The following HIVEP1 variants were observed in gnomAD, a reference collection of about 807,000 sequenced individuals.
The protein encoded by HIVEP1 is HIVEP zinc finger 1.
Under a neutral mutation model 180.0 loss-of-function variants are expected in HIVEP1, and 36 were observed. The observed-to-expected ratio is 0.20, with a 90% CI of 0.15 to 0.26. HIVEP1 has a LOEUF of 0.26. Ranked by LOEUF, HIVEP1 falls within the 10% of genes least tolerant of loss-of-function variation. The pLI is 1.00. For synonymous variants in HIVEP1, 1,239 were observed against 1,239.0 expected (o/e 1.00, Z 0.00); for missense variants, 3,143 against 3,268.7 (o/e 0.96, Z 0.94).
At chr6:12,171,444 C>G in the HIVEP1 span, among the ~76,000 whole-genome samples, 1 of 152,124 alleles carries the variant, frequency 6.6e-6, no homozygotes, top group South Asian at 2.1e-4. Context: ...AATCGGACTC[C>G]AGGCTTGAAC....
At chr6:12,070,856 C>G (rs1771922796) in intron 2 of HIVEP1, among the ~76,000 whole-genome samples, 1 of 152,128 alleles carries the variant, frequency 6.6e-6, no homozygotes, top group Non-Finnish European at 1.5e-5. Context: ...CAGTTTCTTG[C>G]TGATTTTTAA....
At chr6:12,024,781 A>C (rs554731174) in intron 2 of HIVEP1, among the ~76,000 whole-genome samples, 3 of 152,318 alleles carry the variant, frequency 2.0e-5, no homozygotes, top group Admixed American at 6.5e-5. Context: ...GTGGTTGGTT[A>C]AGCCACGCCA....
At chr6:12,107,029 A>C (rs967698836) in intron 3 of HIVEP1, among the ~76,000 whole-genome samples, 2 of 152,202 alleles carry the variant, frequency 1.3e-5, no homozygotes, top group Non-Finnish European at 2.9e-5. Context: ...TTCAGGGAAC[A>C]TACTTTCTAT....
chr6:12,197,172 G>C, the HIVEP1 span, among the ~76,000 whole-genome samples: 4 of 152,188 alleles, frequency 2.6e-5, no homozygotes, highest in African/African-American at 9.6e-5. Context: ...AATTAAAAGA[G>C]AGTTGGGAGT....
Position 12,031,455 on chromosome 6 carries a change from C to T in HIVEP1, c.40+15787C>T, listed in dbSNP as rs561528286. On this transcript the variant is annotated intron_variant, in intron 2 of 8. Coordinates refer to ENST00000379388, the MANE Select transcript of HIVEP1 (RefSeq NM_002114.4). ...CTAGTCTTCTAGTCTCTTGCTTGCC[C>T]TCAGCAGGACCTCAGCCTCAGGCGG... Among the ~76,000 whole-genome samples the T allele has an allele frequency of 2.8e-4, 43 of 152,326 alleles. No individual in the cohort carries two copies. In the South Asian group the frequency reaches 7.7e-3, roughly 27 times the overall value.
At chr6:12,114,820 C>T (rs1775119377) in intron 3 of HIVEP1, among the ~76,000 whole-genome samples, 1 of 152,152 alleles carries the variant, frequency 6.6e-6, no homozygotes, top group Non-Finnish European at 1.5e-5. Context: ...GAGATTGATG[C>T]CTGAGTTCAG....
intron 4 of HIVEP1, among the ~76,000 whole-genome samples, chr6:12,128,387 C>G (rs962213322): frequency 1.3e-5 from 2 of 152,104 alleles, no homozygotes; most frequent in Non-Finnish European, 2.9e-5. Context: ...CCACACATAC[C>G]CCTCTCCATA....
intron 7 of HIVEP1, among the ~76,000 whole-genome samples, chr6:12,154,530 C>A (rs758461406): frequency 2.0e-5 from 3 of 152,076 alleles, no homozygotes; most frequent in African/African-American, 2.4e-5. Flanking sequence ...TATTTACTTA[C>A]AATAGAATTT....
At chr6:12,211,195 T>C in the HIVEP1 span, among the ~76,000 whole-genome samples, 61,900 of 121,252 alleles carry the variant, frequency 0.51, 17,334 homozygotes, top group African/African-American at 0.74. Flanking sequence ...GTCAGGAGAT[T>C]GAGACCATCC....
At chr6:12,021,658 T>C (rs533137463) in intron 2 of HIVEP1, among the ~76,000 whole-genome samples, 1 of 152,282 alleles carries the variant, frequency 6.6e-6, no homozygotes, top group South Asian at 2.1e-4. Context: ...AGAAGAATAT[T>C]TGGTTGTGTT....
intron 2 of HIVEP1, among the ~76,000 whole-genome samples, chr6:12,072,287 A>G (rs1474625004): frequency 6.6e-6 from 1 of 152,166 alleles, no homozygotes; most frequent in Non-Finnish European, 1.5e-5. Context: ...TTCTAAAAAT[A>G]TCATCACTTT....
In HIVEP1 at chr6:12,013,038, C is replaced by T. The variant is rs373584015; in HGVS notation, c.-104+472C>T. Among the ~76,000 whole-genome samples, 53 of 151,836 alleles carry T rather than the reference C, an allele frequency of 3.5e-4. 1 individual carries two copies. In the East Asian group the frequency reaches 8.0e-3, roughly 23 times the overall value. On this transcript the variant is annotated intron_variant, in intron 1 of 8. Transcript: ENST00000379388. ...GTTGGGGTGCGGGTCGGCTCGGGCT[C>T]GCCTTGGGGTCGGGCTCGGGAAGGA...
intron 2 of HIVEP1, among the ~76,000 whole-genome samples, chr6:12,074,707 T>C (rs1200452666): frequency 6.6e-6 from 1 of 151,834 alleles, no homozygotes; most frequent in Non-Finnish European, 1.5e-5. Context: ...ATGAGATTTT[T>C]TTTTTTATAG....
chr6:12,093,327 T>C (rs1773595753), intron 3 of HIVEP1, among the ~76,000 whole-genome samples: 1 of 151,860 alleles, frequency 6.6e-6, no homozygotes, highest in Admixed American at 6.6e-5. Context: ...TTACTTCATT[T>C]AAAGTGCCTT....
At chr6:12,193,996 A>T in the HIVEP1 span, among the ~76,000 whole-genome samples, 3 of 152,184 alleles carry the variant, frequency 2.0e-5, no homozygotes, top group Admixed American at 2.0e-4. Context: ...GGTCTAGAGA[A>T]GTGTTAAGTA....
chr6:12,064,132 T>A (rs1771408825), intron 2 of HIVEP1, among the ~76,000 whole-genome samples: 1 of 152,162 alleles, frequency 6.6e-6, no homozygotes, highest in Admixed American at 6.5e-5. Flanking sequence ...ACTAAATAAT[T>A]CATTGGACAC....
chr6:12,142,939 G>C (rs1759140447), intron 7 of HIVEP1, among the ~76,000 whole-genome samples: 1 of 152,186 alleles, frequency 6.6e-6, no homozygotes, highest in Non-Finnish European at 1.5e-5. Context: ...ATTTACAGCT[G>C]AATTCTACCA....
upstream of HIVEP1, among the ~76,000 whole-genome samples, chr6:12,011,280 CCCCCG>C (rs1767276450): frequency 1.5e-4 from 16 of 105,438 alleles, no homozygotes; most frequent in Non-Finnish European, 2.2e-4. Context: ...TCCCCCCCCC[CCCCCG>C]CCTCCCCCTC....
intron 7 of HIVEP1, among the ~76,000 whole-genome samples, chr6:12,142,785 A>G (rs559221021): frequency 6.6e-6 from 1 of 152,378 alleles, no homozygotes; most frequent in Admixed American, 6.5e-5. Context: ...AAAATCTAGA[A>G]GAAATGGATA....
Sources: gnomAD v4.1 joint callset for allele counts (sites outside exome capture counted in the v4.1 genomes callset) on GRCh38, gnomAD v4.1.1 for gene constraint, MANE v1.5 for transcripts, NCBI Gene and HGNC (gene_info 2026-07-23, HGNC 2026-07-21) for gene names.